Variants in TRPC5 observed in about 807,000 individuals in gnomAD.
TRPC5 encodes short transient receptor potential channel 5.
Under a neutral mutation model 56.5 loss-of-function variants are expected in TRPC5, and 9 were observed. That is an observed-to-expected ratio of 0.16 (90% confidence interval 0.10 to 0.28). The LOEUF (loss-of-function observed/expected upper bound fraction) is 0.28. TRPC5 is among the 10% of genes least tolerant of loss of function. The pLI is 1.00. For missense variants in TRPC5, 469 were observed against 748.9 expected, an observed-to-expected ratio of 0.63 and a Z score of 4.36; for synonymous variants, 282 against 278.5, an observed-to-expected ratio of 1.01 and a Z score of -0.13.
intron 2 of TRPC5, among the ~76,000 whole-genome samples, chrX:111,948,732 C>CAAA (rs78704592): frequency 2.7e-5 from 2 of 75,156 alleles, no homozygotes; most frequent in African/African-American, 9.7e-5. Context: ...ACTCCAACTC[C>CAAA]AAAAAAAAAA....
At chrX:111,948,581 A>C (rs185106936) in intron 2 of TRPC5, among the ~76,000 whole-genome samples, 369 of 109,473 alleles carry the variant, frequency 3.4e-3, no homozygotes, top group South Asian at 0.014. Context: ...AAATACAAAA[A>C]ATTAGCCAGG....
chrX:112,036,881 A>C lies in TRPC5; in HGVS notation c.-22+44998T>G, dbSNP rs768906085. Among the ~76,000 whole-genome samples, 26 of 111,184 alleles carry C rather than the reference A, an allele frequency of 2.3e-4. No individual in the cohort carries two copies. The South Asian group carries it at 9.3e-3, about 40-fold the overall frequency. ...ACCCTTATAAGCAACGCTGGTCTCC[A>C]TATGTCTTCCCTACACAGAAACCCT... On this transcript the variant is annotated intron_variant, in intron 1 of 10. Transcript: ENST00000262839.
intron 5 of TRPC5, among the ~76,000 whole-genome samples, chrX:111,850,290 G>A (rs937322070): frequency 8.9e-6 from 1 of 111,963 alleles, no homozygotes; most frequent in African/African-American, 3.2e-5. Flanking sequence ...GAGTACTTTG[G>A]TGTGTACCTT....
chrX:111,999,704 G>A (rs1392483211), intron 1 of TRPC5, among the ~76,000 whole-genome samples: 5 of 112,122 alleles, frequency 4.5e-5, no homozygotes, highest in Admixed American at 9.4e-5. Flanking sequence ...GGTGGCTCAC[G>A]CCTGTAATCC....
At chrX:111,973,634 C>T (rs780239690) in intron 1 of TRPC5, among the ~76,000 whole-genome samples, 13 of 111,640 alleles carry the variant, frequency 1.2e-4, no homozygotes, top group African/African-American at 2.9e-4. Flanking sequence ...CAGTAGTGTA[C>T]TACAGATGGC....
chrX:111,985,686 A>G (rs893473550), intron 1 of TRPC5, among the ~76,000 whole-genome samples: 3 of 112,095 alleles, frequency 2.7e-5, no homozygotes, highest in African/African-American at 9.7e-5. Context: ...CACTTTACCT[A>G]GAAATTTTCT....
chrX:111,846,059 G>A (rs1426730732), intron 6 of TRPC5, among the ~76,000 whole-genome samples: 8 of 111,168 alleles, frequency 7.2e-5, no homozygotes, highest in Non-Finnish European at 1.5e-4. Flanking sequence ...GCACTGTTTT[G>A]TTTTGTTTTG....
chrX:111,944,328 G>GAGAT (rs1261320455), intron 2 of TRPC5, among the ~76,000 whole-genome samples: 2 of 107,730 alleles, frequency 1.9e-5, no homozygotes, highest in Non-Finnish European at 3.9e-5. Context: ...GAGAGAGAGA[G>GAGAT]AGAGAGAGAG....
At chrX:111,797,868 TA>T (rs1168769823) in intron 7 of TRPC5, among the ~76,000 whole-genome samples, 3 of 111,709 alleles carry the variant, frequency 2.7e-5, no homozygotes, top group Non-Finnish European at 5.6e-5. Flanking sequence ...ATTAATTCTT[TA>T]AAATTTACAT....
intron 7 of TRPC5, among the ~76,000 whole-genome samples, chrX:111,831,983 A>G (rs1250760586): frequency 8.9e-6 from 1 of 111,957 alleles, no homozygotes; most frequent in Non-Finnish European, 1.9e-5. Context: ...GTGACAAGGT[A>G]GATGTATTTT....
At chrX:111,863,135 G>A (rs1923452165) in intron 3 of TRPC5, among the ~76,000 whole-genome samples, 1 of 111,582 alleles carries the variant, frequency 9.0e-6, no homozygotes, top group Admixed American at 9.5e-5. Context: ...TAGCAGAACA[G>A]TGGGTTTTGT....
rs1166564102 is a variant in TRPC5 at position 111,944,301 on chromosome X, T to TGAAAGAGA, written c.378+7741_378+7742insTCTCTTTC. The stretch of plus-strand genomic sequence containing the variant: ...GTGTGTGTGTGTGTGTGTGTGTGTG[T>TGAAAGAGA]GTGAGAGAGAGAGAGAGAGAGAGAG... On this transcript the variant is annotated intron_variant, in intron 2 of 10. Coordinates refer to ENST00000262839, the MANE Select transcript of TRPC5 (RefSeq NM_012471.3). Among the ~76,000 whole-genome samples the TGAAAGAGA allele has an allele frequency of 8.7e-3, 734 of 84,484 alleles. 3 individuals carry two copies. The highest frequency in any genetic ancestry group is 0.035 in the Middle Eastern group (6 of 173). 73.4% of individuals were successfully genotyped at this position (84,484 alleles called of 115,157 possible).
At chrX:111,942,902 A>C (rs1926818836) in intron 2 of TRPC5, among the ~76,000 whole-genome samples, 1 of 111,936 alleles carries the variant, frequency 8.9e-6, no homozygotes, top group African/African-American at 3.3e-5. Context: ...TTCAGTCTGA[A>C]TTATTAACCA....
At chrX:111,899,158 T>G (rs2148612822) in intron 3 of TRPC5, among the ~76,000 whole-genome samples, 1 of 110,657 alleles carries the variant, frequency 9.0e-6, no homozygotes, top group Admixed American at 9.7e-5. Context: ...AAAAAAAAGC[T>G]AATACAAGGG....
At chrX:111,981,880 A>G (rs971453077) in intron 1 of TRPC5, among the ~76,000 whole-genome samples, 24 of 112,182 alleles carry the variant, frequency 2.1e-4, no homozygotes. Flanking sequence ...GTGCCAGCCC[A>G]AATCTCATGC....
chrX:111,879,826 C>T (rs1175473515), intron 3 of TRPC5, among the ~76,000 whole-genome samples: 1 of 112,335 alleles, frequency 8.9e-6, no homozygotes. Context: ...AGCTGAGATT[C>T]AAGCCCCCAT....
At chrX:111,944,301 T>A (rs868525479) in intron 2 of TRPC5, among the ~76,000 whole-genome samples, 1,219 of 84,495 alleles carry the variant, frequency 0.014, 40 homozygotes, top group African/African-American at 0.064. Flanking sequence ...TGTGTGTGTG[T>A]GTGAGAGAGA....
Position 111,771,136 on chromosome X carries a change from C to G in TRPC5, c.*5177G>C, listed in dbSNP as rs1945841175. Among the ~76,000 whole-genome samples, 1 of 111,464 alleles carries G rather than the reference C, an allele frequency of 9.0e-6. No individual in the cohort carries two copies. The highest frequency in any genetic ancestry group is 3.8e-4 in the South Asian group (1 of 2,648). On this transcript the variant is annotated 3_prime_UTR_variant, in exon 11 of 11. Transcript: ENST00000262839. ...GAGGGGGAGGAGGGTAGGACAGATA[C>G]ATGCTACTTTCAGGGATGTATGACA... is the stretch of plus-strand genomic sequence containing the variant.
At chrX:111,938,824 G>A (rs773095147) in intron 2 of TRPC5, among the ~76,000 whole-genome samples, 1 of 111,527 alleles carries the variant, frequency 9.0e-6, no homozygotes, top group South Asian at 3.7e-4. Context: ...TAGTCTTTAG[G>A]TTTTTCCAAA....
Sources: gnomAD v4.1 joint callset for allele counts (sites outside exome capture counted in the v4.1 genomes callset) on GRCh38, gnomAD v4.1.1 for gene constraint, MANE v1.5 for transcripts, NCBI Gene and HGNC (gene_info 2026-07-23, HGNC 2026-07-21) for gene names.